TAPT1: variants seen among roughly 807,000 people sequenced by gnomAD.
TAPT1 encodes the protein transmembrane anterior posterior transformation protein 1 homolog.
Under a neutral mutation model 65.6 loss-of-function variants are expected in TAPT1, and 28 were observed. That is an observed-to-expected ratio of 0.43 (90% CI 0.32 to 0.59). TAPT1 has a LOEUF of 0.59. Ranked by LOEUF, TAPT1 falls within the 20% of genes least tolerant of loss-of-function variation. The pLI is 0.09. For missense variants in TAPT1, 563 were observed against 679.9 expected (o/e 0.83, Z 1.91); for synonymous variants, 278 against 245.2 (o/e 1.13, Z -1.25).
At chr4:16,170,098 A>G (rs1051354323) in intron 12 of TAPT1, among the ~76,000 whole-genome samples, 1 of 152,144 alleles carries the variant, frequency 6.6e-6, no homozygotes, top group Non-Finnish European at 1.5e-5. Context: ...CAAAATCATC[A>G]TTTTACATTG....
intron 1 of TAPT1, chr4:16,216,319 CA>C (rs1161588989): frequency 2.6e-5 from 4 of 152,184 alleles, no homozygotes; most frequent in African/African-American, 9.7e-5. Flanking sequence ...TGGTATTCTC[CA>C]ATATGTCCTC....
At chr4:16,193,605 T>TTA (rs1332883311) in intron 3 of TAPT1, among the ~76,000 whole-genome samples, 1 of 152,198 alleles carries the variant, frequency 6.6e-6, no homozygotes, top group Non-Finnish European at 1.5e-5. Flanking sequence ...GGAAGACCTA[T>TTA]TATATCTGCC....
chr4:16,196,657 C>T (rs534354753), intron 3 of TAPT1: 2 of 1,286,016 alleles, frequency 1.6e-6, no homozygotes, highest in South Asian at 2.5e-5. Context: ...GGTTTACTCA[C>T]CACAAGGAGT....
intron 5 of TAPT1, among the ~76,000 whole-genome samples, chr4:16,187,286 T>C (rs958711416): frequency 3.3e-5 from 5 of 152,138 alleles, no homozygotes; most frequent in African/African-American, 4.8e-5. Context: ...ATAATTTGCA[T>C]TCTAAAAAAG....
rs1748325153 is a variant in TAPT1 at position 16,176,384 on chromosome 4, A to G, written c.998-156T>C. 1.6e-5 allele frequency: 8 copies of G among 487,698 alleles called. No homozygotes were observed. The South Asian group carries it at 2.7e-4, about 17-fold the overall frequency. The allele number at this position is 487,698 out of a possible 1,614,324, so 30.2% of individuals were successfully genotyped here. On this transcript the variant is annotated intron_variant, in intron 8 of 13. Coordinates refer to ENST00000405303, the MANE Select transcript of TAPT1 (RefSeq NM_153365.3). ...AATTATAACCTTTATCAAAAGAGCT[A>G]TACTGTATCAAGTTAAAGGATACTT...
chr4:16,207,572 GAGATGACCT>G (rs900779716), intron 2 of TAPT1, among the ~76,000 whole-genome samples: 8 of 152,264 alleles, frequency 5.3e-5, no homozygotes, highest in African/African-American at 1.9e-4. Flanking sequence ...TAGACCTCTT[GAGATGACCT>G]AGGTACAACC....
chr4:16,226,855 G>A, upstream of TAPT1: 1 of 198,830 alleles, frequency 5.0e-6, no homozygotes, highest in Non-Finnish European at 1.0e-5. Context: ...GTCGGCCGTG[G>A]AGCCCCGGAG....
Position 16,170,708 on chromosome 4 carries a change from A to G in TAPT1, c.1258T>C (p.Ser420Pro). The G allele has an allele frequency of 1.9e-6, 3 of 1,613,738 alleles. No individual in the cohort carries two copies. Among genetic ancestry groups the G allele is most frequent in the Non-Finnish European group, 2.5e-6 (3 of 1,179,700 alleles). Residue 420 changes from serine (S) to proline (P), a missense_variant, in exon 12 of 14, where the codon TCA (serine) becomes CCA (proline). Around this residue, in one of 5 missense-constraint regions of TAPT1, gnomAD observed 104 missense variants for 102.5 expected, o/e 1.01. Coordinates refer to ENST00000405303, the MANE Select transcript of TAPT1 (RefSeq NM_153365.3). ...AVLLIRVVTS[S>P]IKVQGILSYA... ...GACAGGATTCCTTGCACTTTAATTG[A>G]GCTTGTTACAACTCTGATGAGCTAG...
chr4:16,205,039 C>T (rs1464455042), intron 2 of TAPT1, among the ~76,000 whole-genome samples: 1 of 152,118 alleles, frequency 6.6e-6, no homozygotes, highest in Admixed American at 6.5e-5. Context: ...AATAGTACTG[C>T]ACTTAGCATC....
chr4:16,179,701 CAACAT>C, intron 7 of TAPT1, 44 bp from the exon 8 acceptor site: 2 of 1,004,512 alleles, frequency 2.0e-6, no homozygotes, highest in East Asian at 2.8e-5. Context: ...TGTATATAAA[CAACAT>C]AATAAAGTAC....
chr4:16,166,508 C>T, intron 13 of TAPT1, 125 bp downstream of exon 13: 1 of 1,184,874 alleles, frequency 8.4e-7, no homozygotes. Context: ...AAAACACAAC[C>T]ATTAAAAGAC....
chr4:16,191,162 G>C, intron 4 of TAPT1, 199 bp downstream of exon 4: 4 of 506,910 alleles, frequency 7.9e-6, no homozygotes, highest in Non-Finnish European at 1.3e-5. Context: ...TGGAAATGCA[G>C]ATTCTCCAGA....
chr4:16,222,970 C>T (rs1221629583), intron 1 of TAPT1, among the ~76,000 whole-genome samples: 5 of 152,220 alleles, frequency 3.3e-5, no homozygotes, highest in Admixed American at 3.3e-4. Context: ...GCATCTCCAA[C>T]ACCTGCATTA....
At chr4:16,213,733 CA>C in intron 2 of TAPT1, 34 bp downstream of exon 2, 1 of 1,509,176 alleles carries the variant, frequency 6.6e-7, no homozygotes, top group Non-Finnish European at 8.8e-7. Context: ...ACATAACTTT[CA>C]AAATGATGTC....
intron 4 of TAPT1, 26 bp from the exon 5 acceptor site, chr4:16,188,381 T>G: frequency 6.7e-7 from 1 of 1,497,530 alleles, no homozygotes; most frequent in Non-Finnish European, 8.9e-7. Flanking sequence ...ATTTGTAAGA[T>G]GTTTCTTAAT....
intron 2 of TAPT1, among the ~76,000 whole-genome samples, chr4:16,211,843 C>T (rs539326967): frequency 1.1e-4 from 16 of 152,186 alleles, no homozygotes; most frequent in African/African-American, 3.6e-4. Flanking sequence ...CTATAGTGGA[C>T]CACAATTTAG....
chr4:16,224,311 TGAA>T (rs1751425626), intron 1 of TAPT1, among the ~76,000 whole-genome samples: 2 of 152,140 alleles, frequency 1.3e-5, no homozygotes, highest in African/African-American at 4.8e-5. Context: ...GCCTGGGCAT[TGAA>T]GAAGGACTAA....
chr4:16,198,641 T>A (rs1408541342), intron 3 of TAPT1, among the ~76,000 whole-genome samples: 1 of 151,790 alleles, frequency 6.6e-6, no homozygotes, highest in Admixed American at 6.6e-5. Context: ...TTGAAAAAAA[T>A]AAAGTCAGAC....
intron 4 of TAPT1, 67 bp from the exon 5 acceptor site, chr4:16,188,422 A>C (rs1457386105): frequency 6.4e-6 from 8 of 1,248,188 alleles, no homozygotes; most frequent in Non-Finnish European, 7.6e-6. Context: ...TAAAATTGAG[A>C]TATAGCTCAA....
Sources: allele counts gnomAD v4.1 joint callset (sites outside exome capture counted in the v4.1 genomes callset), GRCh38; gene constraint gnomAD v4.1.1; regional missense constraint gnomAD v4.1.1; transcripts MANE v1.5; gene names NCBI Gene and HGNC (gene_info 2026-07-23, HGNC 2026-07-21).